IL1R1: variants seen among roughly 807,000 people sequenced by gnomAD.
IL1R1 encodes the protein interleukin-1 receptor type 1.
IL1R1 carries 22 observed loss-of-function variants against 50.2 expected under a neutral mutation model. The ratio of observed to expected loss-of-function variants is 0.44; its 90% CI spans 0.31 to 0.63. The LOEUF (loss-of-function observed/expected upper bound fraction) is 0.63. Ranked by LOEUF, IL1R1 falls within the 20% of genes least tolerant of loss-of-function variation. The pLI, the probability that IL1R1 is intolerant of heterozygous loss-of-function variation, is 0.07. For synonymous variants in IL1R1, 251 were observed against 236.7 expected (o/e 1.06, Z -0.55); for missense variants, 509 against 676.2 (o/e 0.75, Z 2.74).
chr2:102,072,252 T>G (rs1186446856), intron 1 of IL1R1, among the ~76,000 whole-genome samples: 1 of 148,308 alleles, frequency 6.7e-6, no homozygotes, highest in Admixed American at 6.7e-5. Context: ...AGAGCAAGAC[T>G]CTGTGTCACC....
At chr2:102,088,721 T>G (rs539821555) in intron 1 of IL1R1, among the ~76,000 whole-genome samples, 5 of 152,360 alleles carry the variant, frequency 3.3e-5, no homozygotes, top group South Asian at 2.1e-4. Flanking sequence ...GAAGGCTGTT[T>G]TGTCTACATT....
chr2:102,072,198 T>C (rs1401491615), intron 1 of IL1R1, among the ~76,000 whole-genome samples: 1 of 150,270 alleles, frequency 6.7e-6, no homozygotes, highest in Non-Finnish European at 1.5e-5. Flanking sequence ...AGGTGGAGGT[T>C]GCAGTGAGCC....
chr2:102,091,685 A>G (rs1039452888), intron 1 of IL1R1, among the ~76,000 whole-genome samples: 9 of 152,148 alleles, frequency 5.9e-5, no homozygotes, highest in Non-Finnish European at 1.3e-4. Context: ...GTTGCTTACT[A>G]TAGTCACCCT....
chr2:102,173,117 C>T (rs1253878005), intron 9 of IL1R1, among the ~76,000 whole-genome samples: 1 of 152,160 alleles, frequency 6.6e-6, no homozygotes, highest in Non-Finnish European at 1.5e-5. Flanking sequence ...TATGGTACTT[C>T]GTTTTCTGTA....
rs114347281 is a variant in IL1R1 at position 102,152,576 on chromosome 2, C to T, written c.-83-1365C>T. On this transcript the variant is annotated intron_variant, in intron 1 of 11. Coordinates refer to ENST00000410023, the MANE Select transcript of IL1R1 (RefSeq NM_000877.4). ...GGGGAGTCACCTTCTCTGCAAGAAGCTTCCTGGGCCTCCCAAATAAATCCA... is the reference window on the plus strand; with the variant it reads ...GGGGAGTCACCTTCTCTGCAAGAAGTTTCCTGGGCCTCCCAAATAAATCCA... Among the ~76,000 whole-genome samples the T allele has an allele frequency of 4.3e-3, 579 of 134,740 alleles. 6 individuals carry two copies. The highest frequency in any genetic ancestry group is 0.015 in the African/African-American group (549 of 36,578). 88.4% of individuals were successfully genotyped at this position (134,740 alleles called of 152,430 possible). A position where few individuals can be genotyped will look rare whatever the true frequency, so the allele number is the denominator to read the frequency against.
At chr2:102,158,980 A>T (rs944885101) in intron 3 of IL1R1, among the ~76,000 whole-genome samples, 1 of 152,184 alleles carries the variant, frequency 6.6e-6, no homozygotes, top group African/African-American at 2.4e-5. Flanking sequence ...ACCAAGAGGG[A>T]TTTGGAGTTG....
chr2:102,165,962 G>C, intron 5 of IL1R1, 151 bp from the exon 6 acceptor site: 2 of 601,946 alleles, frequency 3.3e-6, no homozygotes, highest in Non-Finnish European at 5.8e-6. Context: ...CAAAAAGCCA[G>C]TATTAAAACT....
intron 1 of IL1R1, among the ~76,000 whole-genome samples, chr2:102,090,168 T>C (rs1360327329): frequency 2.0e-5 from 3 of 149,614 alleles, no homozygotes; most frequent in Admixed American, 6.7e-5. Flanking sequence ...TTTTTTTTTG[T>C]AATTTGGCCT....
intron 3 of IL1R1, among the ~76,000 whole-genome samples, chr2:102,158,577 A>T (rs1170659756): frequency 6.6e-6 from 1 of 152,220 alleles, no homozygotes; most frequent in East Asian, 1.9e-4. Flanking sequence ...GGCCAAGAGT[A>T]TTTGGCAGGC....
At chr2:102,095,454 A>G (rs1308675143) in intron 1 of IL1R1, among the ~76,000 whole-genome samples, 1 of 152,222 alleles carries the variant, frequency 6.6e-6, no homozygotes, top group Non-Finnish European at 1.5e-5. Context: ...TTTTACATTA[A>G]AGAATACTGG....
chr2:102,142,525 G>T (rs1055850089), upstream of IL1R1: 7 of 152,142 alleles, frequency 4.6e-5, no homozygotes, highest in African/African-American at 1.7e-4. Flanking sequence ...ACTCGAGAGC[G>T]CCCGGCAGCT....
chr2:102,151,030 G>C (rs544195220), intron 1 of IL1R1, among the ~76,000 whole-genome samples: 1 of 152,114 alleles, frequency 6.6e-6, no homozygotes, highest in Non-Finnish European at 1.5e-5. Context: ...ATTTTCTAAA[G>C]GTACGTTTTG....
intron 1 of IL1R1, among the ~76,000 whole-genome samples, chr2:102,143,573 C>T (rs932892523): frequency 6.6e-5 from 10 of 152,328 alleles, no homozygotes; most frequent in African/African-American, 2.4e-4. Flanking sequence ...ACCCTCCCTA[C>T]AGTCTTGTGA....
chr2:102,132,985 C>T (rs1024164317), intron 1 of IL1R1, among the ~76,000 whole-genome samples: 4 of 149,966 alleles, frequency 2.7e-5, no homozygotes, highest in Admixed American at 2.0e-4. Context: ...TGGCTCACAC[C>T]TGTAATCCTA....
At chr2:102,107,678 G>C (rs1680497591) in intron 1 of IL1R1, among the ~76,000 whole-genome samples, 2 of 152,130 alleles carry the variant, frequency 1.3e-5, no homozygotes, top group Non-Finnish European at 2.9e-5. Flanking sequence ...CTGATAATAG[G>C]CAAAGGTATA....
chr2:102,096,397 C>T (rs1207304551), intron 1 of IL1R1, among the ~76,000 whole-genome samples: 2 of 152,214 alleles, frequency 1.3e-5, no homozygotes, highest in Non-Finnish European at 2.9e-5. Context: ...TTGTTAGACT[C>T]TGAAAGTTGT....
At chr2:102,087,942 A>T (rs927495854) in intron 1 of IL1R1, among the ~76,000 whole-genome samples, 7 of 152,222 alleles carry the variant, frequency 4.6e-5, no homozygotes, top group African/African-American at 1.4e-4. Context: ...ACAACTCCTC[A>T]TTCATCCAAA....
chr2:102,167,964 A>T (rs1188803024), intron 6 of IL1R1, among the ~76,000 whole-genome samples: 2 of 152,174 alleles, frequency 1.3e-5, no homozygotes, highest in African/African-American at 4.8e-5. Context: ...AAAAAAACAG[A>T]GAATATCCTA....
At chr2:102,076,324 C>G (rs1425470099) in intron 1 of IL1R1, among the ~76,000 whole-genome samples, 1 of 152,058 alleles carries the variant, frequency 6.6e-6, no homozygotes, top group Non-Finnish European at 1.5e-5. Context: ...ACTACAGGCG[C>G]CTGCCACCAT....
Sources: gnomAD v4.1 joint callset for allele counts (sites outside exome capture counted in the v4.1 genomes callset) on GRCh38, gnomAD v4.1.1 for gene constraint, MANE v1.5 for transcripts, NCBI Gene and HGNC (gene_info 2026-07-23, HGNC 2026-07-21) for gene names.